The following OPCML variants were observed in gnomAD, a reference collection of about 807,000 sequenced individuals.
OPCML encodes opioid-binding protein/cell adhesion molecule.
OPCML carries 13 observed loss-of-function variants against 37.8 expected under a neutral mutation model. The ratio of observed to expected loss-of-function variants is 0.34; its 90% CI spans 0.22 to 0.55. The LOEUF (loss-of-function observed/expected upper bound fraction) is 0.55, where lower values mean the gene tolerates loss of function less well. Ranked by LOEUF, OPCML falls within the 20% of genes least tolerant of loss-of-function variation. The pLI, the probability that OPCML is intolerant of heterozygous loss-of-function variation, is 0.91. For synonymous variants in OPCML, 176 were observed against 168.8 expected (o/e 1.04, Z -0.33); for missense variants, 341 against 435.6 (o/e 0.78, Z 1.93).
intron 1 of OPCML, among the ~76,000 whole-genome samples, chr11:133,129,810 A>T (rs574614392): frequency 1.3e-5 from 2 of 152,296 alleles, no homozygotes; most frequent in East Asian, 3.9e-4. Flanking sequence ...TGGGAGGCTG[A>T]AGCAGGAAGG....
chr11:133,208,018 A>G lies in OPCML; in HGVS notation c.62-265008T>C, dbSNP rs1020558976. Among the ~76,000 whole-genome samples the G allele has an allele frequency of 3.9e-5, 6 of 152,144 alleles. No homozygotes were observed. Among genetic ancestry groups the G allele is most frequent in the Non-Finnish European group, 7.3e-5 (5 of 68,032 alleles). ...CTCTACGCTTTGTAATTAAGAACTC[A>G]AACTGCATTTAACCACCCTAGGCAA... On this transcript the variant is annotated intron_variant, in intron 1 of 7. Coordinates refer to ENST00000524381, the MANE Select transcript of OPCML (RefSeq NM_001012393.5). This position sits in a 1 kb window ranked among gnomAD's most constrained non-coding sequence, Gnocchi z 8.9.
chr11:133,010,034 C>G (rs752946299), intron 1 of OPCML, among the ~76,000 whole-genome samples: 52 of 152,184 alleles, frequency 3.4e-4, no homozygotes, highest in Admixed American at 5.2e-4. Context: ...TCATATCCAG[C>G]AATACAACCA....
intron 2 of OPCML, among the ~76,000 whole-genome samples, chr11:132,814,374 A>G (rs968548099): frequency 2.0e-5 from 3 of 152,214 alleles, no homozygotes; most frequent in Non-Finnish European, 4.4e-5. Context: ...CAGGAAAACC[A>G]GTGGTATAAT....
chr11:132,614,446 G>A (rs974751534), intron 3 of OPCML, among the ~76,000 whole-genome samples: 2 of 152,184 alleles, frequency 1.3e-5, no homozygotes, highest in African/African-American at 4.8e-5. Context: ...ATAGCAGTGA[G>A]TGGCAGTGAC....
chr11:132,657,920 A>G (rs1338213152), intron 2 of OPCML, among the ~76,000 whole-genome samples: 1 of 152,182 alleles, frequency 6.6e-6, no homozygotes, highest in African/African-American at 2.4e-5. Context: ...ACTTCAGGAG[A>G]GGAAAAAGAA....
chr11:133,113,142 C>CCTTTATATTTTG (rs1949282756), intron 1 of OPCML, among the ~76,000 whole-genome samples: 1 of 152,026 alleles, frequency 6.6e-6, no homozygotes, highest in Admixed American at 6.5e-5. Flanking sequence ...TGCAAAAAAG[C>CCTTTATATTTTG]CATCCTTTAT....
At chr11:132,571,537 T>C (rs2096438445) in intron 3 of OPCML, among the ~76,000 whole-genome samples, 1 of 152,180 alleles carries the variant, frequency 6.6e-6, no homozygotes, top group Non-Finnish European at 1.5e-5. Context: ...TGTCTTTCTG[T>C]GTCTAGCTTA....
chr11:133,462,629 G>A (rs1183169555), intron 1 of OPCML, among the ~76,000 whole-genome samples: 1 of 152,180 alleles, frequency 6.6e-6, no homozygotes, highest in South Asian at 2.1e-4. Flanking sequence ...ACCACAATAG[G>A]ATATCTCTTC....
At chr11:132,726,120 A>T (rs1266403726) in intron 2 of OPCML, among the ~76,000 whole-genome samples, 2 of 152,148 alleles carry the variant, frequency 1.3e-5, no homozygotes, top group Non-Finnish European at 2.9e-5. Flanking sequence ...AAAGTTGCTT[A>T]TACATTTTTG....
intron 3 of OPCML, among the ~76,000 whole-genome samples, chr11:132,592,702 G>A (rs149577477): frequency 0.018 from 2,687 of 152,236 alleles, 37 homozygotes; most frequent in Non-Finnish European, 0.023. Context: ...GGTTACATAC[G>A]TACCTGCATT....
chr11:132,641,209 T>G (rs901146056), intron 3 of OPCML, among the ~76,000 whole-genome samples: 2 of 152,140 alleles, frequency 1.3e-5, no homozygotes, highest in Non-Finnish European at 2.9e-5. Context: ...AGTGGCTTTG[T>G]ATTTGACATG....
At chr11:132,474,564 C>T (rs183586058) in intron 4 of OPCML, among the ~76,000 whole-genome samples, 26 of 152,154 alleles carry the variant, frequency 1.7e-4, no homozygotes, top group Non-Finnish European at 3.4e-4. Context: ...TGAATGTGTT[C>T]TCAGAATCTC....
chr11:133,006,377 T>C, intron 1 of OPCML: 2 of 916,262 alleles, frequency 2.2e-6, no homozygotes, highest in Non-Finnish European at 1.3e-6. Flanking sequence ...CTGAATTTTC[T>C]TGGCCATGGG....
At chr11:133,357,890 C>T (rs964833594) in intron 1 of OPCML, among the ~76,000 whole-genome samples, 9 of 152,212 alleles carry the variant, frequency 5.9e-5, no homozygotes, top group Non-Finnish European at 1.2e-4. Flanking sequence ...ACATGAGAGC[C>T]TTGCCTTTAT....
intron 1 of OPCML, among the ~76,000 whole-genome samples, chr11:133,253,562 G>A (rs1190783885): frequency 6.6e-6 from 1 of 152,094 alleles, no homozygotes; most frequent in Non-Finnish European, 1.5e-5. Context: ...CACCCACCTC[G>A]GCCTCGTAAA....
intron 1 of OPCML, among the ~76,000 whole-genome samples, chr11:133,111,114 C>A (rs1416044253): frequency 6.6e-6 from 1 of 152,114 alleles, no homozygotes; most frequent in African/African-American, 2.4e-5. Flanking sequence ...TCCTCTAAGC[C>A]AGTTTGTTTT....
intron 1 of OPCML, among the ~76,000 whole-genome samples, chr11:133,415,723 A>C (rs189384296): frequency 1.9e-3 from 295 of 152,326 alleles, no homozygotes; most frequent in Non-Finnish European, 3.2e-3. Context: ...ATTATCCTAG[A>C]TCATTTAGGT....
chr11:133,140,994 AGAAGACGACGACGAC>A (rs1236029962), intron 1 of OPCML, among the ~76,000 whole-genome samples: 1 of 4,082 alleles, frequency 2.4e-4, no homozygotes, highest in Non-Finnish European at 9.1e-4. Flanking sequence ...AAGAAGAAGA[AGAAGACGACGACGAC>A]GACGACGACG....
intron 3 of OPCML, among the ~76,000 whole-genome samples, chr11:132,591,794 C>G (rs1353336173): frequency 6.6e-6 from 1 of 152,176 alleles, no homozygotes; most frequent in African/African-American, 2.4e-5. Flanking sequence ...ATCCCTGCAT[C>G]TCTGAGAAAT....
Sources: gnomAD v4.1 joint callset for allele counts (sites outside exome capture counted in the v4.1 genomes callset) on GRCh38, gnomAD v4.1.1 for gene constraint, Gnocchi (gnomAD v3.1) non-coding constraint, MANE v1.5 for transcripts, NCBI Gene and HGNC (gene_info 2026-07-23, HGNC 2026-07-21) for gene names.